The following FOXJ3 variants were observed in gnomAD, a reference collection of about 807,000 sequenced individuals.
FOXJ3 encodes the protein forkhead box J3.
A neutral mutation model predicts 76.1 loss-of-function variants in FOXJ3; 22 were observed. The ratio of observed to expected loss-of-function variants is 0.29; its 90% CI spans 0.21 to 0.41. FOXJ3 has a LOEUF of 0.41. Ranked by LOEUF, FOXJ3 falls within the 10% of genes least tolerant of loss-of-function variation. The probability of loss-of-function intolerance (pLI) is 1.00; values close to 1 mark genes in which losing one functional copy is unlikely to be tolerated. For missense variants in FOXJ3, 613 were observed against 762.1 expected (o/e 0.80, Z 2.30); for synonymous variants, 269 against 261.2 (o/e 1.03, Z -0.29).
intron 11 of FOXJ3, among the ~76,000 whole-genome samples, chr1:42,186,910 T>C (rs575976896): frequency 2.0e-4 from 31 of 151,932 alleles, no homozygotes; most frequent in Non-Finnish European, 3.7e-4. Context: ...TGCACTGGTG[T>C]GATCTCGGCT....
At chr1:42,279,918 A>G in intron 2 of FOXJ3, among the ~76,000 whole-genome samples, 1 of 152,114 alleles carries the variant, frequency 6.6e-6, no homozygotes, top group East Asian at 1.9e-4. Context: ...ACAAAAAGCA[A>G]CCTTGAATAT....
intron 5 of FOXJ3, among the ~76,000 whole-genome samples, chr1:42,215,921 A>C (rs1482183211): frequency 6.6e-6 from 1 of 151,466 alleles, no homozygotes; most frequent in Non-Finnish European, 1.5e-5. Flanking sequence ...GGAGGTTGAG[A>C]TGGGAGGATC....
intron 4 of FOXJ3, among the ~76,000 whole-genome samples, chr1:42,261,636 C>T (rs1388421863): frequency 1.3e-5 from 2 of 152,122 alleles, no homozygotes; most frequent in African/African-American, 4.8e-5. Flanking sequence ...TCTGGTAATA[C>T]AATGAACAGA....
intron 4 of FOXJ3, among the ~76,000 whole-genome samples, chr1:42,241,951 C>T (rs933452897): frequency 6.6e-6 from 1 of 152,214 alleles, no homozygotes; most frequent in African/African-American, 2.4e-5. Context: ...AGCCTCGCCA[C>T]AGCCTCCACT....
chr1:42,187,216 A>G (rs2124163184), intron 11 of FOXJ3, among the ~76,000 whole-genome samples: 1 of 152,348 alleles, frequency 6.6e-6, no homozygotes, highest in African/African-American at 2.4e-5. Context: ...ACAATCTATG[A>G]GCAACACAGG....
intron 5 of FOXJ3, among the ~76,000 whole-genome samples, chr1:42,206,789 C>A (rs1646869245): frequency 6.6e-6 from 1 of 152,092 alleles, no homozygotes; most frequent in Admixed American, 6.6e-5. Context: ...TAACTACAGC[C>A]ACCCTACTGA....
chr1:42,225,719 G>T (rs571298691), intron 5 of FOXJ3, among the ~76,000 whole-genome samples: 2 of 152,248 alleles, frequency 1.3e-5, no homozygotes, highest in African/African-American at 4.8e-5. Context: ...AACTTAAAGT[G>T]ATGATCAAAA....
intron 4 of FOXJ3, among the ~76,000 whole-genome samples, chr1:42,262,731 C>A (rs750181336): frequency 6.6e-6 from 1 of 152,126 alleles, no homozygotes; most frequent in Non-Finnish European, 1.5e-5. Context: ...CACCGGTAGT[C>A]CCAGCTACTC....
intron 3 of FOXJ3, among the ~76,000 whole-genome samples, chr1:42,275,093 T>C (rs1050826432): frequency 6.6e-6 from 1 of 152,124 alleles, no homozygotes; most frequent in Non-Finnish European, 1.5e-5. Flanking sequence ...GCTTACTAAA[T>C]GGAAGCACTC....
At chr1:42,228,164 C>T (rs1391008620) in intron 4 of FOXJ3, among the ~76,000 whole-genome samples, 198 bp from the exon 5 acceptor site, 1 of 152,056 alleles carries the variant, frequency 6.6e-6, no homozygotes, top group Non-Finnish European at 1.5e-5. Context: ...TAAAAGAAAA[C>T]TTTCATAAAC....
At chr1:42,276,813 C>T (rs1340711128) in intron 3 of FOXJ3, among the ~76,000 whole-genome samples, 1 of 152,198 alleles carries the variant, frequency 6.6e-6, no homozygotes, top group Non-Finnish European at 1.5e-5. Flanking sequence ...TATCTATCCT[C>T]TGATATGTTA....
chr1:42,324,327 A>G (rs1455153908), intron 1 of FOXJ3, among the ~76,000 whole-genome samples: 2 of 134,286 alleles, frequency 1.5e-5, no homozygotes, highest in East Asian at 2.0e-4. Flanking sequence ...CACGAGATAT[A>G]TAACATATAC....
intron 3 of FOXJ3, among the ~76,000 whole-genome samples, chr1:42,267,823 T>C (rs1651583064): frequency 1.3e-5 from 2 of 151,982 alleles, no homozygotes; most frequent in Admixed American, 1.3e-4. Context: ...TTAAACATGA[T>C]TAAAGATTTT....
At position 42,286,900 on chromosome 1, in the gene FOXJ3, C is replaced by T. The variant is rs181997917; in HGVS notation, c.45-8228G>A. ...CCGCCTGCTTCGGCCTCCCAAAGTG[C>T]TGGGATTACAGGCGTGAGCCACCAC... On this transcript the variant is annotated intron_variant, in intron 2 of 12. Transcript: ENST00000361346. Among the ~76,000 whole-genome samples, 532 of 152,122 alleles carry T rather than the reference C, an allele frequency of 3.5e-3. 3 individuals are homozygous for T. Among genetic ancestry groups the T allele is most frequent in the Non-Finnish European group, 6.2e-3 (423 of 67,962 alleles).
rs1653500243 is a variant in FOXJ3, at chr1:42,292,440, AAACT to A, written c.45-13772_45-13769del. Among the ~76,000 whole-genome samples the A allele has an allele frequency of 3.3e-5, 5 of 152,370 alleles. No homozygotes were observed. The South Asian group carries it at 1.0e-3, about 32-fold the overall frequency. On this transcript the variant is annotated intron_variant, in intron 2 of 12. Transcript: ENST00000361346. The stretch of plus-strand genomic sequence containing the variant: ...TCCATCAACAGGAGAATGAATAAAC[AAACT>A]GTTGTGAATATACCCAATGGAATAA...
intron 4 of FOXJ3, among the ~76,000 whole-genome samples, chr1:42,237,374 C>CA (rs201572471): frequency 7.0e-6 from 1 of 142,238 alleles, no homozygotes; most frequent in Admixed American, 7.2e-5. Context: ...GACTCCATCT[C>CA]AAAAAATATA....
chr1:42,246,826 T>C (rs1253039670), intron 4 of FOXJ3, among the ~76,000 whole-genome samples: 1 of 152,120 alleles, frequency 6.6e-6, no homozygotes, highest in African/African-American at 2.4e-5. Context: ...ATAAAGAACA[T>C]ATGGTATATA....
At chr1:42,291,025 TATAGATAG>T (rs80123722) in intron 2 of FOXJ3, among the ~76,000 whole-genome samples, 12,100 of 134,160 alleles carry the variant, frequency 0.09, 657 homozygotes, top group Non-Finnish European at 0.11. Context: ...AAAAGACCCA[TATAGATAG>T]ATAGATAGAT....
At chr1:42,273,703 A>G (rs1165053479) in intron 3 of FOXJ3, among the ~76,000 whole-genome samples, 5 of 150,788 alleles carry the variant, frequency 3.3e-5, no homozygotes, top group African/African-American at 1.2e-4. Flanking sequence ...AAATTGCAGA[A>G]AAGAGGAGGA....
Sources: gnomAD v4.1 joint callset for allele counts (sites outside exome capture counted in the v4.1 genomes callset) on GRCh38, gnomAD v4.1.1 for gene constraint, MANE v1.5 for transcripts, NCBI Gene and HGNC (gene_info 2026-07-23, HGNC 2026-07-21) for gene names.